Variants in EXOC5 observed in about 807,000 individuals in gnomAD.
EXOC5 encodes SEC10-like 1.
EXOC5 carries 17 observed loss-of-function variants against 90.8 expected under a neutral mutation model. The observed-to-expected ratio is 0.19, with a 90% confidence interval of 0.13 to 0.28. The LOEUF (loss-of-function observed/expected upper bound fraction) is 0.28, where lower values mean the gene tolerates loss of function less well. EXOC5 is among the 10% of genes least tolerant of loss of function. The pLI, the probability that EXOC5 is intolerant of heterozygous loss-of-function variation, is 1.00. For synonymous variants in EXOC5, 260 were observed against 270.0 expected, an observed-to-expected ratio of 0.96 and a Z score of 0.36; for missense variants, 569 against 830.6, an observed-to-expected ratio of 0.69 and a Z score of 3.87.
intron 1 of EXOC5, among the ~76,000 whole-genome samples, chr14:57,248,529 A>T (rs893821818): frequency 6.6e-6 from 1 of 152,066 alleles, no homozygotes; most frequent in Non-Finnish European, 1.5e-5. Context: ...TTAAAAAAAA[A>T]TTGTTTAAAA....
chr14:57,247,320 T>C (rs1279105129), intron 2 of EXOC5, among the ~76,000 whole-genome samples: 1 of 152,212 alleles, frequency 6.6e-6, no homozygotes, highest in African/African-American at 2.4e-5. Context: ...TAAAACAATG[T>C]ATTTAATGTT....
intron 1 of EXOC5, among the ~76,000 whole-genome samples, chr14:57,249,157 A>C (rs1884112230): frequency 6.6e-6 from 1 of 152,126 alleles, no homozygotes; most frequent in South Asian, 2.1e-4. Flanking sequence ...TATCATATTC[A>C]ATATGTACTA....
rs746664110 is a variant in EXOC5 at position 57,229,872 on chromosome 14, A to C, written c.1158T>G (p.Asp386Glu). 22 of 1,450,532 alleles carry C rather than the reference A, an allele frequency of 1.5e-5. No homozygotes were observed. Among genetic ancestry groups the C allele is most frequent in the Non-Finnish European group, 2.0e-5 (22 of 1,080,528 alleles). The allele number at this position is 1,450,532 out of a possible 1,614,324, so 89.9% of individuals were successfully genotyped here. A position where few individuals can be genotyped will look rare whatever the true frequency, so the allele number is the denominator to read the frequency against. Residue 386 changes from aspartate to glutamate, a missense_variant, in exon 12 of 18, where the codon GAT becomes GAG. Physicochemically the swap from Asp to Glu is conservative, Grantham distance 45 (BLOSUM62 2). This residue lies in a region of EXOC5 where 69 missense variants were observed against 115.5 expected (regional missense o/e 0.60). Coordinates refer to ENST00000621441, the MANE Select transcript of EXOC5 (RefSeq NM_006544.4). The stretch of plus-strand genomic sequence containing the variant: ...TACGCTGTCTAATTCTTTCCTTCAA[A>C]TCTTGAATACTAGTACATCATAAAG... ...KRSIGTGGIQ[D>E]LKERIRQRTN... is the part of the protein sequence containing the mutation.
At chr14:57,263,276 G>T (rs1884570289) in intron 1 of EXOC5, among the ~76,000 whole-genome samples, 1 of 152,010 alleles carries the variant, frequency 6.6e-6, no homozygotes, top group Admixed American at 6.6e-5. Flanking sequence ...TTGGAGACTA[G>T]CCTGGGCAAT....
At chr14:57,245,995 A>G (rs1460643492) in intron 3 of EXOC5, among the ~76,000 whole-genome samples, 1 of 152,048 alleles carries the variant, frequency 6.6e-6, no homozygotes. Flanking sequence ...GGTTGCAGTG[A>G]GCCAAGAACA....
At chr14:57,251,305 A>T (rs1295552161) in intron 1 of EXOC5, among the ~76,000 whole-genome samples, 1 of 152,160 alleles carries the variant, frequency 6.6e-6, no homozygotes, top group Admixed American at 6.5e-5. Flanking sequence ...AATATCTGAG[A>T]TCCCTGCTCT....
At position 57,201,418 on chromosome 14, in the gene EXOC5, GTATA is replaced by G. The variant is rs1290905315; in HGVS notation, c.*7187_*7190del. ...AGTGATATCAAGAGAATTCTGATTA[GTATA>G]TATATATACACACACACACGTGTGT... On this transcript the variant is annotated 3_prime_UTR_variant, in exon 18 of 18. Coordinates refer to ENST00000621441, the MANE Select transcript of EXOC5 (RefSeq NM_006544.4). 8.0e-5 allele frequency: 10 copies of G among 124,392 alleles called. No individual in the cohort carries two copies. Among genetic ancestry groups the G allele is most frequent in the South Asian group, 6.7e-4 (3 of 4,484 alleles). 7.7% of individuals were successfully genotyped at this position (124,392 alleles called of 1,614,324 possible).
chr14:57,264,252 C>T (rs113657523), intron 1 of EXOC5, among the ~76,000 whole-genome samples: 1 of 152,144 alleles, frequency 6.6e-6, no homozygotes, highest in Non-Finnish European at 1.5e-5. Context: ...TTGACAGTAA[C>T]GGGGTGCTCC....
chr14:57,231,519 T>C lies in EXOC5; in HGVS notation c.1135A>G (p.Ile379Val). 1 of 1,608,982 alleles carries C rather than the reference T, an allele frequency of 6.2e-7. No individual in the cohort carries two copies. Residue 379 changes from isoleucine to valine, a missense_variant, in exon 11 of 18, where the codon ATT becomes GTT. By Grantham distance (29) the Ile-to-Val change is conservative. Transcript: ENST00000621441. ...YDSKNHQKRS[I>V]GTGGIQDLKE... ...AAAAATACTCACCCTCCTGTGCCAA[T>C]GGATCTCTTTTGATGGTTTTTCGAA...
chr14:57,254,436 CAAAAAAAA>C (rs200928380), intron 1 of EXOC5, among the ~76,000 whole-genome samples: 15 of 123,820 alleles, frequency 1.2e-4, no homozygotes, highest in Non-Finnish European at 2.3e-4. Context: ...GAATCTGTTC[CAAAAAAAA>C]AAAAAATGCC....
chr14:57,256,952 G>A (rs376702354), intron 1 of EXOC5, among the ~76,000 whole-genome samples: 1 of 152,242 alleles, frequency 6.6e-6, no homozygotes, highest in Admixed American at 6.5e-5. Context: ...CCTCATAAAT[G>A]TTCATCCAAG....
chr14:57,247,576 T>C, intron 2 of EXOC5, 42 bp downstream of exon 2: 1 of 870,962 alleles, frequency 1.1e-6, no homozygotes, highest in Non-Finnish European at 1.8e-6. Context: ...CACTAATGTG[T>C]ACCAGATTAG....
At chr14:57,265,644 G>T (rs1376458367) in intron 1 of EXOC5, among the ~76,000 whole-genome samples, 1 of 152,192 alleles carries the variant, frequency 6.6e-6, no homozygotes, top group African/African-American at 2.4e-5. Context: ...CAGATGGATT[G>T]TGCCAGGAGG....
chr14:57,207,815 G>C lies in EXOC5; in HGVS notation c.*794C>G, dbSNP rs1306400130. 6.6e-6 allele frequency: 1 copy of C among 151,672 alleles called. No homozygotes were observed. The highest frequency in any genetic ancestry group is 1.5e-5 in the Non-Finnish European group (1 of 67,912). 9.4% of individuals were successfully genotyped at this position (151,672 alleles called of 1,614,324 possible). A position where few individuals can be genotyped will look rare whatever the true frequency, so the allele number is the denominator to read the frequency against. ...AATATTAAAATAATGAATAAATATG[G>C]TCCTTTAGTTAAGGTCCTCCACCTT... On this transcript the variant is annotated 3_prime_UTR_variant, in exon 18 of 18. Coordinates refer to ENST00000621441, the MANE Select transcript of EXOC5 (RefSeq NM_006544.4).
chr14:57,235,997 A>T (rs1883646972), intron 6 of EXOC5, among the ~76,000 whole-genome samples, 177 bp from the exon 7 acceptor site: 1 of 152,178 alleles, frequency 6.6e-6, no homozygotes, highest in South Asian at 2.1e-4. Context: ...GTGGCATATA[A>T]ATCTATATTT....
intron 1 of EXOC5, among the ~76,000 whole-genome samples, chr14:57,251,029 G>A (rs1272753505): frequency 2.6e-5 from 4 of 152,184 alleles, no homozygotes; most frequent in African/African-American, 9.7e-5. Flanking sequence ...AGATGGTGGA[G>A]TAAATCTGTC....
At chr14:57,222,191 T>C in intron 13 of EXOC5, 117 bp downstream of exon 13, 1 of 544,406 alleles carries the variant, frequency 1.8e-6, no homozygotes. Context: ...TCAAACTTCA[T>C]TGCACCGAAC....
At chr14:57,250,913 GTC>G (rs1337916921) in intron 1 of EXOC5, among the ~76,000 whole-genome samples, 3 of 152,302 alleles carry the variant, frequency 2.0e-5, no homozygotes, top group Admixed American at 2.0e-4. Context: ...AGACCGTACA[GTC>G]TCTGTTACAA....
At position 57,221,387 on chromosome 14, in the gene EXOC5, C is replaced by A. The variant is rs568810394; in HGVS notation, c.1405+921G>T. 1.3e-4 allele frequency among the ~76,000 whole-genome samples: 20 copies of A among 152,254 alleles called. No individual in the cohort carries two copies. In the South Asian group the frequency reaches 3.1e-3, roughly 24 times the overall value. The stretch of plus-strand genomic sequence containing the variant: ...TTTTCCCCTTAAGAGTAATAGGAAA[C>A]CACCACAGAGTTTTAAATAAGGAAA... On this transcript the variant is annotated intron_variant, in intron 13 of 17. Transcript: ENST00000621441.
Sources: gnomAD v4.1 joint callset for allele counts (sites outside exome capture counted in the v4.1 genomes callset) on GRCh38, gnomAD v4.1.1 for gene constraint, gnomAD v4.1.1 regional missense constraint, MANE v1.5 for transcripts, NCBI Gene and HGNC (gene_info 2026-07-23, HGNC 2026-07-21) for gene names.